Variants in NFIB observed in about 807,000 individuals in gnomAD.
NFIB encodes the protein nuclear factor 1 B-type.
Under a neutral mutation model 61.5 loss-of-function variants are expected in NFIB, and 11 were observed. The ratio of observed to expected loss-of-function variants is 0.18; its 90% confidence interval spans 0.11 to 0.30. The LOEUF (loss-of-function observed/expected upper bound fraction) is 0.30, where lower values mean the gene tolerates loss of function less well. NFIB is among the 10% of genes least tolerant of loss of function. The pLI, the probability that NFIB is intolerant of heterozygous loss-of-function variation, is 1.00. For missense variants in NFIB, 471 were observed against 608.9 expected, an observed-to-expected ratio of 0.77 and a Z score of 2.38; for synonymous variants, 260 against 216.5, an observed-to-expected ratio of 1.20 and a Z score of -1.76.
chr9:14,246,813 A>T (rs1403011988), intron 2 of NFIB, among the ~76,000 whole-genome samples: 1 of 152,208 alleles, frequency 6.6e-6, no homozygotes, highest in African/African-American at 2.4e-5. Flanking sequence ...TGTGTCCCTG[A>T]AAATGCATAT....
the NFIB span, among the ~76,000 whole-genome samples, chr9:14,495,009 A>G: frequency 6.6e-6 from 1 of 152,208 alleles, no homozygotes; most frequent in Non-Finnish European, 1.5e-5. Context: ...GCTTATTCCA[A>G]ACATGTTCTT....
the NFIB span, among the ~76,000 whole-genome samples, chr9:14,471,952 A>C: frequency 1.3e-5 from 2 of 152,154 alleles, no homozygotes; most frequent in African/African-American, 4.8e-5. Flanking sequence ...GCACCCCTCC[A>C]TTCTCTGCCT....
At chr9:14,328,852 T>G (rs892217928) in intron 1 of NFIB, among the ~76,000 whole-genome samples, 2 of 152,230 alleles carry the variant, frequency 1.3e-5, no homozygotes, top group East Asian at 3.8e-4. Flanking sequence ...AACCAACTTT[T>G]GTTTTTTCCC....
In NFIB at chr9:14,292,138, C is replaced by T. The variant is rs186894335; in HGVS notation, c.562+14851G>A. ...TTTAAAAATTGCTGCCATGTTTTCA[C>T]GAAATAATAACCTTTCATTATTTTT... On this transcript the variant is annotated intron_variant, in intron 2 of 10. Transcript: ENST00000380953. Among the ~76,000 whole-genome samples the T allele has an allele frequency of 2.4e-3, 360 of 152,218 alleles. 2 individuals are homozygous for T. Among genetic ancestry groups the T allele is most frequent in the Admixed American group, 6.1e-3 (93 of 15,296 alleles).
At chr9:14,440,976 A>G in the NFIB span, among the ~76,000 whole-genome samples, 3 of 152,202 alleles carry the variant, frequency 2.0e-5, no homozygotes, top group African/African-American at 7.2e-5. Context: ...TATCATCATT[A>G]TGACAGCCAT....
chr9:14,377,196 A>G (rs2061430054), intron 1 of NFIB, among the ~76,000 whole-genome samples: 2 of 152,148 alleles, frequency 1.3e-5, no homozygotes, highest in Non-Finnish European at 2.9e-5. Context: ...CTTTTGTTTC[A>G]CCCAAATGAG....
upstream of NFIB, among the ~76,000 whole-genome samples, chr9:14,402,482 G>A (rs1009382007): frequency 3.9e-5 from 6 of 152,014 alleles, no homozygotes; most frequent in African/African-American, 1.2e-4. Context: ...ATTTTTTGTA[G>A]TCATTAATGT....
intron 2 of NFIB, among the ~76,000 whole-genome samples, chr9:14,287,065 T>C (rs2058753138): frequency 6.6e-6 from 1 of 152,154 alleles, no homozygotes; most frequent in South Asian, 2.1e-4. Context: ...GAACTGAGAA[T>C]TTCACAAACT....
chr9:14,194,965 C>A (rs1166880055), intron 2 of NFIB, among the ~76,000 whole-genome samples: 1 of 152,104 alleles, frequency 6.6e-6, no homozygotes, highest in South Asian at 2.1e-4. Flanking sequence ...CTCTCTCTCT[C>A]TCTCTTTCAC....
At chr9:14,359,097 T>G (rs1369520802) in intron 1 of NFIB, among the ~76,000 whole-genome samples, 1 of 152,216 alleles carries the variant, frequency 6.6e-6, no homozygotes, top group Non-Finnish European at 1.5e-5. Context: ...GCGTTTACAC[T>G]ACAGAACTGG....
At chr9:14,127,304 T>C (rs570340790) in intron 6 of NFIB, among the ~76,000 whole-genome samples, 1 of 152,324 alleles carries the variant, frequency 6.6e-6, no homozygotes, top group South Asian at 2.1e-4. Context: ...CAACTCATAG[T>C]AAAATGTTAT....
intron 2 of NFIB, among the ~76,000 whole-genome samples, chr9:14,282,914 A>G (rs1055561718): frequency 6.6e-6 from 1 of 152,220 alleles, no homozygotes; most frequent in African/African-American, 2.4e-5. Context: ...TTCCATGATT[A>G]TAATAGCTTC....
the NFIB span, among the ~76,000 whole-genome samples, chr9:14,499,983 T>A: frequency 2.0e-5 from 3 of 152,184 alleles, no homozygotes; most frequent in African/African-American, 7.2e-5. Context: ...AAATAACAGA[T>A]ACAAAGCTTC....
In NFIB at chr9:14,129,323, G is replaced by A. The variant is rs964860083; in HGVS notation, c.926-3557C>T. Among the ~76,000 whole-genome samples, 4 of 149,208 alleles carry A rather than the reference G, an allele frequency of 2.7e-5. No homozygotes were observed. The Admixed American group carries it at 2.7e-4, about 10-fold the overall frequency. On this transcript the variant is annotated intron_variant, in intron 6 of 10. Transcript: ENST00000380953. Reference sequence around the variant, plus strand: ...CTTGGCCCATTAATAAAAATACACTGCTACACAGCATGCAGAAGGCACTAT... The same window carrying A: ...CTTGGCCCATTAATAAAAATACACTACTACACAGCATGCAGAAGGCACTAT...
At chr9:14,306,218 C>T (rs1458175503) in intron 2 of NFIB, among the ~76,000 whole-genome samples, 2 of 152,114 alleles carry the variant, frequency 1.3e-5, no homozygotes, top group Non-Finnish European at 2.9e-5. Context: ...AACCAGTCCA[C>T]TTTCTGTTTT....
At chr9:14,341,407 G>A (rs1383203964) in intron 1 of NFIB, among the ~76,000 whole-genome samples, 1 of 152,192 alleles carries the variant, frequency 6.6e-6, no homozygotes, top group Non-Finnish European at 1.5e-5. Context: ...GAATGCCCAA[G>A]GAGGGAGAAA....
chr9:14,360,250 A>G (rs2061222856), intron 1 of NFIB, among the ~76,000 whole-genome samples: 1 of 152,226 alleles, frequency 6.6e-6, no homozygotes. Context: ...CAGGACAGAT[A>G]TCCATCTATT....
intron 1 of NFIB, among the ~76,000 whole-genome samples, chr9:14,385,335 T>G (rs1053975398): frequency 2.6e-5 from 4 of 152,184 alleles, no homozygotes; most frequent in Non-Finnish European, 5.9e-5. Flanking sequence ...ATCACTAACT[T>G]TCAAACTGCC....
At chr9:14,504,075 G>A in the NFIB span, among the ~76,000 whole-genome samples, 2 of 152,126 alleles carry the variant, frequency 1.3e-5, no homozygotes, top group African/African-American at 2.4e-5. Flanking sequence ...TGAATATGAT[G>A]TCCTTTCCCC....
Sources: allele counts gnomAD v4.1 joint callset (sites outside exome capture counted in the v4.1 genomes callset), GRCh38; gene constraint gnomAD v4.1.1; transcripts MANE v1.5; gene names NCBI Gene and HGNC (gene_info 2026-07-23, HGNC 2026-07-21).